The following PRL variants were observed in gnomAD, a reference collection of about 807,000 sequenced individuals.
The protein encoded by PRL is decidual prolactin.
Under a neutral mutation model 21.3 loss-of-function variants are expected in PRL, and 24 were observed. That is an observed-to-expected ratio of 1.13 (90% confidence interval 0.82 to 1.59). The LOEUF is 1.59. Ranked by LOEUF, PRL falls within the 40% of genes most tolerant of loss-of-function variation. The probability of loss-of-function intolerance (pLI) is 0.00; values close to 1 mark genes in which losing one functional copy is unlikely to be tolerated. For synonymous variants in PRL, 118 were observed against 115.7 expected (o/e 1.02, Z -0.13); for missense variants, 243 against 286.9 (o/e 0.85, Z 1.10).
upstream of PRL, among the ~76,000 whole-genome samples, chr6:22,299,678 A>T (rs1032933075): frequency 3.3e-5 from 5 of 152,070 alleles, no homozygotes; most frequent in Admixed American, 3.3e-4. Context: ...GTATCTACTA[A>T]AAATACAAAA....
At position 22,288,919 on chromosome 6, in the gene PRL, C is replaced by CGCGTGTGTGT. The variant is rs1491085858; in HGVS notation, c.492+1254_492+1255insACACACACGC. On this transcript the variant is annotated intron_variant, in intron 4 of 4. Transcript: ENST00000306482. The surrounding 1 kb of genome is among the most constrained non-coding windows in gnomAD (Gnocchi z 4.5). ...GCGTGTGTGCGCGCGCGTGTGTGTG[C>CGCGTGTGTGT]GTGCGCGTGTGTGTGCATGTGTGTG... Among the ~76,000 whole-genome samples the CGCGTGTGTGT allele has an allele frequency of 6.7e-6, 1 of 150,064 alleles. No individual in the cohort carries two copies. Among genetic ancestry groups the CGCGTGTGTGT allele is most frequent in the Non-Finnish European group, 1.5e-5 (1 of 67,398 alleles).
Position 22,287,637 on chromosome 6 carries a change from T to C in PRL, c.493-44A>G, listed in dbSNP as rs773250086. On this transcript the variant is annotated intron_variant, in intron 4 of 4. Transcript: ENST00000306482. The stretch of plus-strand genomic sequence containing the variant: ...AGTGACTTATTCTTCATATTATTAG[T>C]ATTTGTATGTCCTTGTTCTTTCTAA... 2.7e-6 allele frequency: 4 copies of C among 1,457,560 alleles called. No individual in the cohort carries two copies. In the South Asian group the frequency reaches 5.5e-5, roughly 20 times the overall value. The allele number at this position is 1,457,560 out of a possible 1,614,324, so 90.3% of individuals were successfully genotyped here. A position where few individuals can be genotyped will look rare whatever the true frequency, so the allele number is the denominator to read the frequency against.
intron 2 of PRL, among the ~76,000 whole-genome samples, chr6:22,293,571 A>C (rs1761099434): frequency 6.7e-6 from 1 of 149,872 alleles, no homozygotes; most frequent in Non-Finnish European, 1.5e-5. Context: ...CTGAAAAAGA[A>C]AAGAAAGGGA....
Position 22,296,984 on chromosome 6 carries a change from T to C in PRL, c.-2A>G. The C allele has an allele frequency of 6.2e-7, 1 of 1,614,054 alleles. No individual in the cohort carries two copies. The highest frequency in any genetic ancestry group is 8.5e-7 in the Non-Finnish European group (1 of 1,179,956). The stretch of plus-strand genomic sequence containing the variant: ...CCATGGCGATCCTTTGATGTTCATG[T>C]TCGTGATCGTTGCAGGAAACACACT... On this transcript the variant is annotated 5_prime_UTR_variant, in exon 1 of 5. Transcript: ENST00000306482.
Position 22,287,281 on chromosome 6 carries a change from A to AT in PRL, c.*120dup. 9.7e-7 allele frequency: 1 copy of AT among 1,032,422 alleles called. No individual in the cohort carries two copies. The highest frequency in any genetic ancestry group is 1.3e-6 in the Non-Finnish European group (1 of 748,986). The allele number at this position is 1,032,422 out of a possible 1,614,324, so 64.0% of individuals were successfully genotyped here. A position where few individuals can be genotyped will look rare whatever the true frequency, so the allele number is the denominator to read the frequency against. On this transcript the variant is annotated 3_prime_UTR_variant, in exon 5 of 5. Transcript: ENST00000306482. ...TGATGTCTCTAAGGAGTCAGTTTTTATTTTTTAAGAGGAGACCTGTTACAC... is the reference window on the plus strand; with the variant it reads ...TGATGTCTCTAAGGAGTCAGTTTTTATTTTTTTAAGAGGAGACCTGTTACAC...
chr6:22,287,984 A>G (rs1760959229), intron 4 of PRL, among the ~76,000 whole-genome samples: 1 of 152,130 alleles, frequency 6.6e-6, no homozygotes, highest in Admixed American at 6.5e-5. Context: ...CTTGTGCTTT[A>G]TTCTTCCTGA....
At chr6:22,298,892 A>G (rs1761231048), upstream of PRL, among the ~76,000 whole-genome samples, 1 of 152,204 alleles carries the variant, frequency 6.6e-6, no homozygotes, top group African/African-American at 2.4e-5. Flanking sequence ...GATAAGAGCA[A>G]TCTAAGAAAA....
rs1761193146 is a variant in PRL at position 22,296,983 on chromosome 6, G to A, written c.-1C>T. The A allele has an allele frequency of 6.2e-7, 1 of 1,613,996 alleles. No individual in the cohort carries two copies. The highest frequency in any genetic ancestry group is 8.5e-7 in the Non-Finnish European group (1 of 1,179,942). ...TCCATGGCGATCCTTTGATGTTCAT[G>A]TTCGTGATCGTTGCAGGAAACACAC... On this transcript the variant is annotated 5_prime_UTR_variant, in exon 1 of 5. Coordinates refer to ENST00000306482, the MANE Select transcript of PRL (RefSeq NM_000948.6).
At chr6:22,296,048 C>A (rs141187722) in intron 1 of PRL, among the ~76,000 whole-genome samples, 2 of 151,970 alleles carry the variant, frequency 1.3e-5, no homozygotes, top group African/African-American at 4.8e-5. Flanking sequence ...AATCATATGA[C>A]GAAACCAAAT....
chr6:22,297,657 A>G (rs1761205905), upstream of PRL, among the ~76,000 whole-genome samples: 2 of 152,302 alleles, frequency 1.3e-5, no homozygotes, highest in East Asian at 1.9e-4. Flanking sequence ...GCGTATCTGT[A>G]TGGTACTTTG....
chr6:22,294,273 G>A, intron 2 of PRL, 136 bp downstream of exon 2: 2 of 930,820 alleles, frequency 2.1e-6, no homozygotes, highest in Middle Eastern at 2.8e-4. Context: ...CATCTTATGA[G>A]CTGGTGTCTT....
In PRL at chr6:22,288,392, G is replaced by A. The variant is rs1760969501; in HGVS notation, c.493-799C>T. Among the ~76,000 whole-genome samples, 2 of 152,074 alleles carry A rather than the reference G, an allele frequency of 1.3e-5. No individual in the cohort carries two copies. The highest frequency in any genetic ancestry group is 2.1e-4 in the South Asian group (1 of 4,810). Reference sequence around the variant, plus strand: ...CTACAAAAACATACAAAAATCAGCCGTGCCTATTGGTGCACGCCTGTTGTC... The same window carrying A: ...CTACAAAAACATACAAAAATCAGCCATGCCTATTGGTGCACGCCTGTTGTC... On this transcript the variant is annotated intron_variant, in intron 4 of 4. Coordinates refer to ENST00000306482, the MANE Select transcript of PRL (RefSeq NM_000948.6). This position sits in a 1 kb window ranked among gnomAD's most constrained non-coding sequence, Gnocchi z 4.5.
chr6:22,292,418 T>C lies in PRL; in HGVS notation c.312+120A>G. On this transcript the variant is annotated intron_variant, in intron 3 of 4. Transcript: ENST00000306482. ...CATAATGTAATTTTTTGACTGCTTA[T>C]TCTTCCTATATTTTTCTCTGCATGT... The C allele has an allele frequency of 3.3e-6, 3 of 922,720 alleles. No homozygotes were observed. In the South Asian group the frequency reaches 4.4e-5, roughly 13 times the overall value. 57.2% of individuals were successfully genotyped at this position (922,720 alleles called of 1,614,324 possible).
chr6:22,298,647 C>T (rs1761226996), upstream of PRL, among the ~76,000 whole-genome samples: 1 of 152,160 alleles, frequency 6.6e-6, no homozygotes, highest in Non-Finnish European at 1.5e-5. Flanking sequence ...CATAGACTCT[C>T]TCAATCTGAA....
chr6:22,296,228 CAT>C (rs1410719356), intron 1 of PRL, among the ~76,000 whole-genome samples: 8 of 152,162 alleles, frequency 5.3e-5, no homozygotes, highest in Middle Eastern at 3.2e-3. Context: ...AAAATAGACA[CAT>C]GTTTTTGTTC....
At chr6:22,300,896 G>A (rs535435798), upstream of PRL, among the ~76,000 whole-genome samples, 4 of 152,246 alleles carry the variant, frequency 2.6e-5, no homozygotes, top group Admixed American at 6.5e-5. Context: ...TGTATGTCAC[G>A]TGCTTGTTCT....
upstream of PRL, among the ~76,000 whole-genome samples, chr6:22,302,247 G>A (rs895959034): frequency 1.3e-5 from 2 of 151,476 alleles, no homozygotes; most frequent in African/African-American, 4.9e-5. Flanking sequence ...AACCTTTTAA[G>A]TTGTCAGAAA....
In PRL at chr6:22,290,214, G is replaced by A; in HGVS notation, c.452C>T (p.Thr151Ile). ...CTCCATGCCCTCTAGAAGCCGTTTG[G>A]TTTGCTCCTCAATCTCTACAGCTTT... ...LSKAVEIEEQ[T>I]KRLLEGMELI... The change falls in exon 4 of 5, where the codon ACC becomes ATC. Residue 151 changes from threonine (T) to isoleucine (I), a missense_variant. Physicochemically the swap from Thr to Ile is moderately conservative, Grantham distance 89. Transcript: ENST00000306482. 3 of 1,604,532 alleles carry A rather than the reference G, an allele frequency of 1.9e-6. No individual in the cohort carries two copies. The highest frequency in any genetic ancestry group is 2.6e-6 in the Non-Finnish European group (3 of 1,173,344).
At chr6:22,297,128 C>CTATT (rs1761196915), upstream of PRL, 6 of 753,338 alleles carry the variant, frequency 8.0e-6, no homozygotes, top group Admixed American at 1.8e-4. Context: ...TCCTGGTCAT[C>CTATT]TATTTCCGTC....
Sources: gnomAD v4.1 joint callset for allele counts (sites outside exome capture counted in the v4.1 genomes callset) on GRCh38, gnomAD v4.1.1 for gene constraint, Gnocchi (gnomAD v3.1) non-coding constraint, MANE v1.5 for transcripts, NCBI Gene and HGNC (gene_info 2026-07-23, HGNC 2026-07-21) for gene names.